INTU: variants seen among roughly 807,000 people sequenced by gnomAD.
INTU encodes inturned planar cell polarity protein.
A neutral mutation model predicts 100.5 loss-of-function variants in INTU; 68 were observed. That is an observed-to-expected ratio of 0.68 (90% confidence interval 0.56 to 0.83). INTU has a LOEUF of 0.83. Among genes scored for constraint, INTU ranks in the 40% least tolerant of loss-of-function variants. The probability of loss-of-function intolerance (pLI) is 0.00; values close to 1 mark genes in which losing one functional copy is unlikely to be tolerated. For missense variants in INTU, 1,071 were observed against 1,114.7 expected (o/e 0.96, Z 0.56); for synonymous variants, 357 against 395.7 (o/e 0.90, Z 1.16).
intron 5 of INTU, among the ~76,000 whole-genome samples, chr4:127,670,750 CTG>C (rs1728889563): frequency 6.6e-6 from 1 of 151,924 alleles, no homozygotes; most frequent in African/African-American, 2.4e-5. Flanking sequence ...CAGCATGGTA[CTG>C]GTATAAAAAT....
At chr4:127,700,110 T>G in intron 9 of INTU, 47 bp downstream of exon 9, 1 of 1,374,566 alleles carries the variant, frequency 7.3e-7, no homozygotes, top group South Asian at 1.2e-5. Context: ...TTGAATTATT[T>G]TGTATAACAG....
intron 13 of INTU, among the ~76,000 whole-genome samples, chr4:127,710,335 A>G (rs1048341769): frequency 1.3e-5 from 2 of 151,950 alleles, no homozygotes; most frequent in African/African-American, 4.8e-5. Flanking sequence ...TATCTTTGTA[A>G]AATACAATAT....
At chr4:127,655,976 A>T (rs1275699826) in intron 2 of INTU, among the ~76,000 whole-genome samples, 2 of 152,176 alleles carry the variant, frequency 1.3e-5, no homozygotes, top group Non-Finnish European at 1.5e-5. Flanking sequence ...GGTGGGAGTG[A>T]CCCGATTTTC....
In INTU at chr4:127,687,971, T is replaced by C. The variant is rs1729910998; in HGVS notation, c.1449+104T>C. On this transcript the variant is annotated intron_variant, in intron 8 of 15. Transcript: ENST00000335251. ...TTTTTGTTATTTTTGGAATTATGGTTAAAAATTAAAGAGGCAATTGGTTGA... is the reference window on the plus strand; with the variant it reads ...TTTTTGTTATTTTTGGAATTATGGTCAAAAATTAAAGAGGCAATTGGTTGA... The C allele has an allele frequency of 3.7e-6, 3 of 808,080 alleles. No individual in the cohort carries two copies. The East Asian group carries it at 9.0e-5, about 24-fold the overall frequency. 50.1% of individuals were successfully genotyped at this position (808,080 alleles called of 1,614,324 possible).
intron 3 of INTU, among the ~76,000 whole-genome samples, chr4:127,660,734 G>C (rs765788444): frequency 2.6e-5 from 4 of 152,130 alleles, no homozygotes; most frequent in African/African-American, 9.7e-5. Flanking sequence ...TGGGCAAACC[G>C]CACAAAGAAG....
In INTU at chr4:127,718,610, C is replaced by G. The variant is rs1480436010; in HGVS notation, c.*2174C>G. On this transcript the variant is annotated 3_prime_UTR_variant, in exon 16 of 16. Coordinates refer to ENST00000335251, the MANE Select transcript of INTU (RefSeq NM_015693.4). ...TTTTCATGATATTGATTCTTACTGTCTGTGAGCATGGAATATTTTTCCATT... is the reference window on the plus strand; with the variant it reads ...TTTTCATGATATTGATTCTTACTGTGTGTGAGCATGGAATATTTTTCCATT... The G allele has an allele frequency of 6.6e-6, 1 of 152,166 alleles. No individual in the cohort carries two copies. The highest frequency in any genetic ancestry group is 2.4e-5 in the African/African-American group (1 of 41,444). 9.4% of individuals were successfully genotyped at this position (152,166 alleles called of 1,614,324 possible).
At chr4:127,671,157 A>G (rs1365853719) in intron 5 of INTU, among the ~76,000 whole-genome samples, 2 of 152,008 alleles carry the variant, frequency 1.3e-5, no homozygotes, top group South Asian at 2.1e-4. Flanking sequence ...CAAAAGAAAT[A>G]GTCCAGAGTC....
intron 6 of INTU, among the ~76,000 whole-genome samples, chr4:127,677,265 A>C (rs1729257060): frequency 6.6e-6 from 1 of 152,168 alleles, no homozygotes; most frequent in Non-Finnish European, 1.5e-5. Context: ...CCCAGCATGC[A>C]GCTGGAGATC....
Position 127,724,873 on chromosome 4 carries a change from G to C in INTU, c.*8437G>C, listed in dbSNP as rs1323614944. ...ATTATCACTGTGTCACAGTTTGAGA[G>C]ATTTTCACTTAAGCATTTAAGTTGC... is the stretch of plus-strand genomic sequence containing the variant. On this transcript the variant is annotated 3_prime_UTR_variant, in exon 16 of 16. Transcript: ENST00000335251. 6.6e-6 allele frequency: 1 copy of C among 152,170 alleles called. No individual in the cohort carries two copies. Among genetic ancestry groups the C allele is most frequent in the African/African-American group, 2.4e-5 (1 of 41,438 alleles). The allele number at this position is 152,170 out of a possible 1,614,324, so 9.4% of individuals were successfully genotyped here.
At chr4:127,635,170 T>C (rs1361726169) in intron 1 of INTU, among the ~76,000 whole-genome samples, 4 of 152,186 alleles carry the variant, frequency 2.6e-5, no homozygotes, top group Non-Finnish European at 5.9e-5. Flanking sequence ...AATTTAAAAG[T>C]TTATCATCTT....
chr4:127,641,810 C>G (rs1021509800), intron 1 of INTU, among the ~76,000 whole-genome samples: 5 of 152,168 alleles, frequency 3.3e-5, no homozygotes, highest in Admixed American at 6.6e-5. Flanking sequence ...TGCCAAGATG[C>G]TATCCCCTTG....
chr4:127,648,197 C>T (rs1727675339), intron 2 of INTU, among the ~76,000 whole-genome samples: 1 of 152,086 alleles, frequency 6.6e-6, no homozygotes, highest in African/African-American at 2.4e-5. Context: ...TTAATGACTC[C>T]CGTGTACTTA....
At chr4:127,681,946 C>T (rs1246778729) in intron 6 of INTU, among the ~76,000 whole-genome samples, 2 of 151,920 alleles carry the variant, frequency 1.3e-5, no homozygotes, top group African/African-American at 4.8e-5. Flanking sequence ...GGGCGAAGGA[C>T]ATGAACAGAT....
intron 11 of INTU, among the ~76,000 whole-genome samples, chr4:127,706,104 A>G (rs1372297044): frequency 1.3e-5 from 2 of 152,168 alleles, no homozygotes; most frequent in Non-Finnish European, 2.9e-5. Flanking sequence ...CCCTTTCTAT[A>G]GTGGTTTTAT....
intron 10 of INTU, among the ~76,000 whole-genome samples, chr4:127,705,206 T>C (rs1730827133): frequency 6.6e-6 from 1 of 152,218 alleles, no homozygotes; most frequent in Non-Finnish European, 1.5e-5. Context: ...AAAAAGGATT[T>C]TTAAACACAA....
chr4:127,660,326 T>G (rs1316022272), intron 3 of INTU, among the ~76,000 whole-genome samples: 2 of 152,164 alleles, frequency 1.3e-5, no homozygotes, highest in South Asian at 2.1e-4. Context: ...GGAGGAGAGA[T>G]AATCTGCTGA....
chr4:127,651,337 T>A (rs1460793695), intron 2 of INTU, among the ~76,000 whole-genome samples: 1 of 146,396 alleles, frequency 6.8e-6, no homozygotes, highest in African/African-American at 2.8e-5. Flanking sequence ...TCTTCTAGGG[T>A]TTTTATGGTT....
intron 8 of INTU, among the ~76,000 whole-genome samples, chr4:127,695,292 C>T (rs1018703220): frequency 1.3e-5 from 2 of 152,086 alleles, no homozygotes; most frequent in Non-Finnish European, 2.9e-5. Flanking sequence ...ACTTATTCAT[C>T]GCTGGTATAT....
chr4:127,659,440 A>G (rs1331383827), intron 3 of INTU, among the ~76,000 whole-genome samples: 1 of 152,240 alleles, frequency 6.6e-6, no homozygotes, highest in Non-Finnish European at 1.5e-5. Context: ...GATTATGGGC[A>G]ATCATTGTTC....
Sources: gnomAD v4.1 joint callset for allele counts (sites outside exome capture counted in the v4.1 genomes callset) on GRCh38, gnomAD v4.1.1 for gene constraint, MANE v1.5 for transcripts, NCBI Gene and HGNC (gene_info 2026-07-23, HGNC 2026-07-21) for gene names.